CHRNA7: variants seen among roughly 807,000 people sequenced by gnomAD.
CHRNA7 encodes cholinergic receptor nicotinic alpha 7 subunit.
CHRNA7 carries 17 observed loss-of-function variants against 48.0 expected under a neutral mutation model. The ratio of observed to expected loss-of-function variants is 0.35; its 90% confidence interval spans 0.24 to 0.53. CHRNA7 has a LOEUF of 0.53. Ranked by LOEUF, CHRNA7 falls within the 20% of genes least tolerant of loss-of-function variation. The pLI, the probability that CHRNA7 is intolerant of heterozygous loss-of-function variation, is 0.92. For missense variants in CHRNA7, 155 were observed against 577.7 expected (o/e 0.27, Z 7.50); for synonymous variants, 75 against 242.3 (o/e 0.31, Z 6.41).
intron 4 of CHRNA7, among the ~76,000 whole-genome samples, chr15:32,121,873 G>A (rs1389635571): frequency 6.6e-6 from 1 of 152,152 alleles, no homozygotes; most frequent in African/African-American, 2.4e-5. Context: ...GGAATGAAAG[G>A]GAGAGGGAAA....
chr15:32,149,043 A>G lies in CHRNA7; in HGVS notation c.351-4864A>G, dbSNP rs7182878. Among the ~76,000 whole-genome samples, 1 of 152,038 alleles carries G rather than the reference A, an allele frequency of 6.6e-6. No homozygotes were observed. The highest frequency in any genetic ancestry group is 1.5e-5 in the Non-Finnish European group (1 of 68,012). On this transcript the variant is annotated intron_variant, in intron 4 of 9. Coordinates refer to ENST00000306901, the MANE Select transcript of CHRNA7 (RefSeq NM_000746.6). The surrounding 1 kb of genome is among the most constrained non-coding windows in gnomAD (Gnocchi z 4.6). ...GGGTAGGGCTCAGAGCTCTCCTCAC[A>G]CCAAGAGTGGGCCCCAGTCATTGCT...
At chr15:32,066,137 A>T (rs1429679983) in intron 2 of CHRNA7, among the ~76,000 whole-genome samples, 1 of 152,290 alleles carries the variant, frequency 6.6e-6, no homozygotes, top group Non-Finnish European at 1.5e-5. Context: ...GGCAACTCAT[A>T]TAACAAAGGA....
intron 2 of CHRNA7, chr15:32,099,741 T>C (rs895242389): frequency 1.3e-5 from 2 of 152,232 alleles, no homozygotes; most frequent in Non-Finnish European, 2.9e-5. Context: ...TATTGGAGCT[T>C]GAACTGGAAC....
intron 4 of CHRNA7, among the ~76,000 whole-genome samples, chr15:32,124,171 C>T (rs2051025114): frequency 6.6e-6 from 1 of 151,668 alleles, no homozygotes; most frequent in Non-Finnish European, 1.5e-5. Context: ...TCAAATAATC[C>T]AAAAGGTTGA....
chr15:32,079,782 G>GA (rs59955932), intron 2 of CHRNA7, among the ~76,000 whole-genome samples: 106 of 147,220 alleles, frequency 7.2e-4, no homozygotes, highest in African/African-American at 9.1e-4. Flanking sequence ...CACAAAATTA[G>GA]AAAAAAAAAA....
At chr15:32,143,582 T>C (rs1419659187) in intron 4 of CHRNA7, among the ~76,000 whole-genome samples, 9 of 152,228 alleles carry the variant, frequency 5.9e-5, no homozygotes, top group Non-Finnish European at 2.9e-5. Context: ...AAGGACTTGC[T>C]TTATGAATCT....
At chr15:32,140,158 T>TGA (rs1353435529) in intron 4 of CHRNA7, among the ~76,000 whole-genome samples, 4 of 148,264 alleles carry the variant, frequency 2.7e-5, no homozygotes, top group African/African-American at 9.9e-5. Context: ...CGTCTATGAA[T>TGA]GAGAACATGT....
intron 2 of CHRNA7, among the ~76,000 whole-genome samples, chr15:32,074,237 A>C (rs964165658): frequency 6.6e-6 from 1 of 150,612 alleles, no homozygotes; most frequent in African/African-American, 2.4e-5. Flanking sequence ...GGGATTTTCT[A>C]TGCAGACAAT....
intron 2 of CHRNA7, among the ~76,000 whole-genome samples, chr15:32,075,228 GAATT>G (rs2050119315): frequency 6.6e-6 from 1 of 152,066 alleles, no homozygotes; most frequent in Non-Finnish European, 1.5e-5. Context: ...CTTAATAAAT[GAATT>G]GAGAAGTGTT....
intron 2 of CHRNA7, among the ~76,000 whole-genome samples, chr15:32,055,851 C>T (rs1245971139): frequency 1.3e-5 from 2 of 151,986 alleles, no homozygotes; most frequent in African/African-American, 2.4e-5. Context: ...TGGTAGCAGG[C>T]GCCTGTAGTC....
intron 2 of CHRNA7, among the ~76,000 whole-genome samples, chr15:32,051,654 G>C (rs765288082): frequency 6.6e-6 from 1 of 152,126 alleles, no homozygotes; most frequent in Non-Finnish European, 1.5e-5. Flanking sequence ...GCGCTGCACC[G>C]ACTGTGCTGC....
At chr15:32,036,622 C>T (rs550551469) in intron 2 of CHRNA7, among the ~76,000 whole-genome samples, 1 of 152,234 alleles carries the variant, frequency 6.6e-6, no homozygotes, top group South Asian at 2.1e-4. Context: ...AAGTTTTAAG[C>T]ATTCCAATAG....
intron 4 of CHRNA7, among the ~76,000 whole-genome samples, chr15:32,137,031 C>CA (rs775166263): frequency 0.032 from 2,022 of 63,584 alleles, 398 homozygotes; most frequent in African/African-American, 0.13. Flanking sequence ...GACTCCGTCT[C>CA]AAAAAAAAAA....
At chr15:32,030,864 C>A in intron 1 of CHRNA7, 34 bp from the exon 2 acceptor site, 1 of 1,608,888 alleles carries the variant, frequency 6.2e-7, no homozygotes, top group Non-Finnish European at 8.5e-7. Flanking sequence ...GCCGGCCTGC[C>A]CTGAGCCCCC....
At chr15:32,147,321 A>G (rs535729137) in intron 4 of CHRNA7, among the ~76,000 whole-genome samples, 4 of 152,370 alleles carry the variant, frequency 2.6e-5, no homozygotes, top group South Asian at 4.1e-4. Context: ...GATGGAATCA[A>G]TTATACCCTA....
intron 2 of CHRNA7, among the ~76,000 whole-genome samples, chr15:32,057,231 G>A (rs1167420698): frequency 2.0e-5 from 3 of 152,178 alleles, no homozygotes; most frequent in Non-Finnish European, 4.4e-5. Flanking sequence ...TCCAGCCAGT[G>A]GCCTTCTGCT....
chr15:32,152,997 C>CGA, intron 4 of CHRNA7, among the ~76,000 whole-genome samples: 1 of 152,042 alleles, frequency 6.6e-6, no homozygotes, highest in East Asian at 1.9e-4. Flanking sequence ...GTGGTGCATC[C>CGA]GTCTAAAACT....
intron 9 of CHRNA7, chr15:32,166,399 C>T (rs1380650779): frequency 1.3e-5 from 2 of 152,212 alleles, no homozygotes; most frequent in African/African-American, 2.4e-5. Context: ...TTCCAGGACA[C>T]GCAGAGTGCC....
At position 32,088,745 on chromosome 15, in the gene CHRNA7, A is replaced by T. The variant is rs1489239196; in HGVS notation, c.196-12558A>T. On this transcript the variant is annotated intron_variant, in intron 2 of 9. Transcript: ENST00000306901. ...ATCTTCTTTGGTGAGTTGCCTGTTC[A>T]TATCATTTGGCCATTTTTTAGTTAG... 2.0e-5 allele frequency among the ~76,000 whole-genome samples: 3 copies of T among 151,904 alleles called. No homozygotes were observed. The South Asian group carries it at 6.2e-4, about 32-fold the overall frequency.
Sources: allele counts gnomAD v4.1 joint callset (sites outside exome capture counted in the v4.1 genomes callset), GRCh38; gene constraint gnomAD v4.1.1; non-coding constraint Gnocchi (gnomAD v3.1); transcripts MANE v1.5; gene names NCBI Gene and HGNC (gene_info 2026-07-23, HGNC 2026-07-21).